DLGAP3: variants seen among roughly 807,000 people sequenced by gnomAD.
DLGAP3 encodes the protein disks large-associated protein 3.
Under a neutral mutation model 81.2 loss-of-function variants are expected in DLGAP3, and 17 were observed. The ratio of observed to expected loss-of-function variants is 0.21; its 90% CI spans 0.14 to 0.31. DLGAP3 has a LOEUF of 0.31. Among genes scored for constraint, DLGAP3 ranks in the 10% least tolerant of loss-of-function variants. The pLI, the probability that DLGAP3 is intolerant of heterozygous loss-of-function variation, is 1.00. For missense variants in DLGAP3, 1,124 were observed against 1,388.0 expected, an observed-to-expected ratio of 0.81 and a Z score of 3.02; for synonymous variants, 577 against 587.4, an observed-to-expected ratio of 0.98 and a Z score of 0.26.
At position 34,905,227 on chromosome 1, in the gene DLGAP3, C is replaced by T. The variant is rs890025543; in HGVS notation, c.157G>A (p.Gly53Ser). 1.3e-6 allele frequency: 2 copies of T among 1,596,570 alleles called. No individual in the cohort carries two copies. The highest frequency in any genetic ancestry group is 1.3e-5 in the African/African-American group (1 of 74,830). ...CCTTCAGGAGAAATGTGTCCCAGGC[C>T]AGCTCTCGGGGCACAGAAGCGGGGC... Reference protein sequence around the residue: ...TEPRFCAPRAGLGHISPEGPL... With the variant: ...TEPRFCAPRASLGHISPEGPL... The change falls in exon 3 of 12, where the codon GGC (glycine) becomes AGC (serine). Residue 53 changes from glycine (G) to serine (S), a missense_variant. Around this residue, in one of 9 missense-constraint regions of DLGAP3, gnomAD observed 167 missense variants for 172.1 expected, o/e 0.97. Coordinates refer to ENST00000373347, the MANE Select transcript of DLGAP3 (RefSeq NM_001080418.3).
At position 34,929,109 on chromosome 1, in the gene DLGAP3, A is replaced by T. The variant is rs1639917979; in HGVS notation, c.-135+342T>A. 6.6e-6 allele frequency among the ~76,000 whole-genome samples: 1 copy of T among 151,736 alleles called. No individual in the cohort carries two copies. Among genetic ancestry groups the T allele is most frequent in the Non-Finnish European group, 1.5e-5 (1 of 67,844 alleles). On this transcript the variant is annotated intron_variant, in intron 1 of 11. Coordinates refer to ENST00000373347, the MANE Select transcript of DLGAP3 (RefSeq NM_001080418.3). The surrounding 1 kb of genome is among the most constrained non-coding windows in gnomAD (Gnocchi z 6.5). ...CTCTCCGGATCTCCCCAGCACCACG[A>T]CTTCCCCCACAACCAGCTGGCTACT...
intron 3 of DLGAP3, among the ~76,000 whole-genome samples, chr1:34,903,842 G>A (rs1028742717): frequency 1.2e-4 from 18 of 152,286 alleles, no homozygotes; most frequent in South Asian, 4.1e-4. Flanking sequence ...TGGGCCATCC[G>A]GATTATAGCA....
chr1:34,904,688 G>A lies in DLGAP3; in HGVS notation c.696C>T (p.His232=), dbSNP rs375453519. 54 of 1,613,650 alleles carry A rather than the reference G, an allele frequency of 3.3e-5. No individual in the cohort carries two copies. The highest frequency in any genetic ancestry group is 4.4e-5 in the Non-Finnish European group (52 of 1,179,992). ...SHHHHHHHHH[H]HHQSRHGKRS... is the part of the protein sequence containing the mutation. The stretch of plus-strand genomic sequence containing the variant: ...TCTTGCCGTGCCGGGACTGGTGGTG[G>A]TGGTGATGGTGGTGGTGATGGTGGT... The change falls in exon 3 of 12, where the codon CAC becomes CAT. Residue 232 remains histidine, a synonymous_variant. Transcript: ENST00000373347. The surrounding 1 kb of genome is among the most constrained non-coding windows in gnomAD (Gnocchi z 8.1).
rs1356396977 is a variant in DLGAP3 at position 34,885,762 on chromosome 1, TG to T, written c.1629del (p.Ile544SerfsTer134). 1.4e-6 allele frequency: 2 copies of T among 1,405,296 alleles called. No individual in the cohort carries two copies. Among genetic ancestry groups the T allele is most frequent in the Non-Finnish European group, 1.8e-6 (2 of 1,088,428 alleles). The allele number at this position is 1,405,296 out of a possible 1,614,324, so 87.1% of individuals were successfully genotyped here. A position where few individuals can be genotyped will look rare whatever the true frequency, so the allele number is the denominator to read the frequency against. On this transcript the variant is annotated frameshift_variant, in exon 7 of 12. Coordinates refer to ENST00000373347, the MANE Select transcript of DLGAP3 (RefSeq NM_001080418.3). LOFTEE classifies it high-confidence loss of function. ...SSFNFRKAPP[P>X]IPPGSQAPPR... ...GGCGGGGCCTGGCTTCCCGGCGGGA[TG>T]GGGGGCGGGGCCTTTCTGAAGTTGA...
intron 1 of DLGAP3, among the ~76,000 whole-genome samples, chr1:34,923,411 A>C (rs1350739676): frequency 2.0e-5 from 3 of 152,156 alleles, no homozygotes; most frequent in Non-Finnish European, 2.9e-5. Context: ...ATAACAAAAG[A>C]AGCAAGTATT....
Position 34,867,447 on chromosome 1 carries a change from C to A in DLGAP3, c.2577+89G>T. 1 of 1,217,598 alleles carries A rather than the reference C, an allele frequency of 8.2e-7. No individual in the cohort carries two copies. The highest frequency in any genetic ancestry group is 1.2e-6 in the Non-Finnish European group (1 of 818,876). The allele number at this position is 1,217,598 out of a possible 1,614,324, so 75.4% of individuals were successfully genotyped here. ...CCTGGTCTCACCTCTGGTACACACT[C>A]ACTCTGGGTCACCTGCCTGTCTCAC... On this transcript the variant is annotated intron_variant, in intron 10 of 11. Coordinates refer to ENST00000373347, the MANE Select transcript of DLGAP3 (RefSeq NM_001080418.3). The surrounding 1 kb of genome is among the most constrained non-coding windows in gnomAD (Gnocchi z 4.3).
At chr1:34,869,553 G>A (rs57823820) in intron 8 of DLGAP3, among the ~76,000 whole-genome samples, 3,867 of 145,374 alleles carry the variant, frequency 0.027, 178 homozygotes, top group African/African-American at 0.093. Context: ...GCAATGGCGC[G>A]ATCTCGGCTC....
chr1:34,889,994 CT>C (rs1475060781), intron 5 of DLGAP3, among the ~76,000 whole-genome samples: 1 of 152,088 alleles, frequency 6.6e-6, no homozygotes, highest in African/African-American at 2.4e-5. Flanking sequence ...AAAGGAGAAC[CT>C]GCATAAAGTT....
At chr1:34,907,711 T>C (rs887012305) in intron 1 of DLGAP3, among the ~76,000 whole-genome samples, 13 of 151,556 alleles carry the variant, frequency 8.6e-5, no homozygotes, top group African/African-American at 3.1e-4. Context: ...TTGTTTTTTC[T>C]TTTTTTTTCC....
chr1:34,872,606 T>C (rs115269530), intron 8 of DLGAP3, among the ~76,000 whole-genome samples: 1,603 of 152,270 alleles, frequency 0.011, 17 homozygotes, highest in Non-Finnish European at 0.015. Context: ...GCGATTAAGT[T>C]AAGGATACTA....
chr1:34,916,667 TTTTATTTTATTTTATTTTA>T, intron 1 of DLGAP3, among the ~76,000 whole-genome samples: 1 of 17,440 alleles, frequency 5.7e-5, no homozygotes, highest in East Asian at 2.3e-3. Flanking sequence ...TTTTATTTTA[TTTTATTTTATTTTATTTTA>T]TTTTATTTTA....
rs539291311 is a variant in DLGAP3 at position 34,866,187 on chromosome 1, G to T, written c.2836C>A (p.Arg946=). The change falls in exon 12 of 12, where the codon CGG becomes AGG. Residue 946 remains arginine (R), a synonymous_variant. Transcript: ENST00000373347. ...VDRQRQEARK[R]LLAAKRAASF... is the part of the protein sequence containing the mutation. ...GCGGCGCGCTTGGCCGCCAGGAGCC[G>T]CTTGCGCGCTTCCTGCCGCTGCCGG... is the stretch of plus-strand genomic sequence containing the variant. The T allele has an allele frequency of 5.3e-5, 84 of 1,592,942 alleles. No homozygotes were observed. In the South Asian group the frequency reaches 8.2e-4, roughly 16 times the overall value.
chr1:34,878,130 C>G (rs1384689199), intron 8 of DLGAP3, among the ~76,000 whole-genome samples: 1 of 152,082 alleles, frequency 6.6e-6, no homozygotes, highest in Non-Finnish European at 1.5e-5. Context: ...CATGGCGAAA[C>G]CCTGTCTCTC....
At chr1:34,899,028 C>A (rs1388506874) in intron 5 of DLGAP3, among the ~76,000 whole-genome samples, 1 of 151,764 alleles carries the variant, frequency 6.6e-6, no homozygotes, top group East Asian at 1.9e-4. Context: ...AGAATTCAGG[C>A]CCAGATCATG....
intron 8 of DLGAP3, among the ~76,000 whole-genome samples, chr1:34,883,092 T>A (rs544014100): frequency 8.5e-5 from 13 of 152,346 alleles, no homozygotes; most frequent in African/African-American, 3.1e-4. Context: ...TATTCCTACA[T>A]AATATGCAAT....
intron 1 of DLGAP3, among the ~76,000 whole-genome samples, chr1:34,921,713 A>G (rs1407115783): frequency 6.6e-6 from 1 of 152,222 alleles, no homozygotes; most frequent in African/African-American, 2.4e-5. Flanking sequence ...TTTGCAGGCT[A>G]TTGTTAACCC....
chr1:34,909,628 A>T (rs1018856804), intron 1 of DLGAP3, among the ~76,000 whole-genome samples: 5 of 152,212 alleles, frequency 3.3e-5, no homozygotes, highest in African/African-American at 1.2e-4. Flanking sequence ...GGAGCAGGAG[A>T]TATCCAATTT....
intron 8 of DLGAP3, 103 bp downstream of exon 8, chr1:34,884,875 A>T: frequency 1.1e-6 from 1 of 933,348 alleles, no homozygotes; most frequent in Non-Finnish European, 1.7e-6. Context: ...TCTCACTTCC[A>T]GGAAAAGAGG....
chr1:34,867,258 G>GA lies in DLGAP3; in HGVS notation c.2578-68dup, dbSNP rs1569588311. On this transcript the variant is annotated intron_variant, in intron 10 of 11. Coordinates refer to ENST00000373347, the MANE Select transcript of DLGAP3 (RefSeq NM_001080418.3). This position sits in a 1 kb window ranked among gnomAD's most constrained non-coding sequence, Gnocchi z 4.3. ...GGTCTGAGCCCCAGCCAGGACAAGA[G>GA]AAAGTCCTATCCACCCTTACTGCCA... 1.9e-6 allele frequency: 3 copies of GA among 1,604,142 alleles called. No individual in the cohort carries two copies. The East Asian group carries it at 6.7e-5, about 36-fold the overall frequency.
Sources: gnomAD v4.1 joint callset for allele counts (sites outside exome capture counted in the v4.1 genomes callset) on GRCh38, gnomAD v4.1.1 for gene constraint, gnomAD v4.1.1 regional missense constraint, Gnocchi (gnomAD v3.1) non-coding constraint, MANE v1.5 for transcripts, NCBI Gene and HGNC (gene_info 2026-07-23, HGNC 2026-07-21) for gene names.